Variants in CADM2 observed in about 807,000 individuals in gnomAD.
CADM2 encodes the protein immunoglobulin superfamily member 4D.
Under a neutral mutation model 49.8 loss-of-function variants are expected in CADM2, and 12 were observed. The ratio of observed to expected loss-of-function variants is 0.24; its 90% CI spans 0.15 to 0.39. The LOEUF is 0.39. Ranked by LOEUF, CADM2 falls within the 10% of genes least tolerant of loss-of-function variation. The probability of loss-of-function intolerance (pLI) is 1.00; values close to 1 mark genes in which losing one functional copy is unlikely to be tolerated. For missense variants in CADM2, 378 were observed against 492.3 expected, an observed-to-expected ratio of 0.77 and a Z score of 2.20; for synonymous variants, 214 against 175.4, an observed-to-expected ratio of 1.22 and a Z score of -1.74.
chr3:85,349,341 G>A (rs1024447954), intron 1 of CADM2, among the ~76,000 whole-genome samples: 1 of 152,176 alleles, frequency 6.6e-6, no homozygotes, highest in African/African-American at 2.4e-5. Context: ...TCGTGTGTTT[G>A]TATGTGAACC....
intron 1 of CADM2, among the ~76,000 whole-genome samples, chr3:85,150,087 T>G (rs1391286192): frequency 6.6e-6 from 1 of 152,216 alleles, no homozygotes; most frequent in Non-Finnish European, 1.5e-5. Flanking sequence ...TCTACCCTTT[T>G]GTCATAATCC....
intron 1 of CADM2, among the ~76,000 whole-genome samples, chr3:84,961,123 G>C (rs1291016986): frequency 6.6e-6 from 1 of 152,084 alleles, no homozygotes; most frequent in African/African-American, 2.4e-5. Flanking sequence ...CTGAAAGTAA[G>C]ACACACGTAG....
chr3:85,418,357 T>G (rs1391800939), intron 1 of CADM2, among the ~76,000 whole-genome samples: 1 of 152,118 alleles, frequency 6.6e-6, no homozygotes, highest in Non-Finnish European at 1.5e-5. Context: ...TGCAAGCTAT[T>G]AATAGGAGAA....
At chr3:85,593,329 G>A (rs1375566) in intron 1 of CADM2, among the ~76,000 whole-genome samples, 81,229 of 151,754 alleles carry the variant, frequency 0.54, 24,825 homozygotes, top group East Asian at 0.93. Flanking sequence ...AGGCACTAAC[G>A]TTAAAGAAAA....
chr3:85,988,666 A>C, intron 8 of CADM2, among the ~76,000 whole-genome samples: 1 of 152,178 alleles, frequency 6.6e-6, no homozygotes, highest in East Asian at 1.9e-4. Context: ...AACAGGTAAG[A>C]ACAGAAATTA....
intron 1 of CADM2, among the ~76,000 whole-genome samples, chr3:85,153,050 T>C (rs1416702608): frequency 6.6e-6 from 1 of 152,006 alleles, no homozygotes; most frequent in Admixed American, 6.5e-5. Flanking sequence ...AAAAATTACC[T>C]GCATTTGAAA....
chr3:85,417,467 C>T (rs973068787), intron 1 of CADM2, among the ~76,000 whole-genome samples: 3 of 152,076 alleles, frequency 2.0e-5, no homozygotes. Context: ...ATGTCACCAA[C>T]CTATGTTAAG....
intron 7 of CADM2, among the ~76,000 whole-genome samples, chr3:85,957,374 A>T (rs753404323): frequency 6.6e-6 from 1 of 151,764 alleles, no homozygotes; most frequent in African/African-American, 2.4e-5. Flanking sequence ...ACTTGTTATC[A>T]TATAATGCTC....
chr3:85,035,117 A>G (rs2035158436), intron 1 of CADM2, among the ~76,000 whole-genome samples: 1 of 152,120 alleles, frequency 6.6e-6, no homozygotes, highest in Admixed American at 6.5e-5. Context: ...AGCCATTTTA[A>G]CTAAGGTAAA....
chr3:85,270,955 T>C (rs2043228936), intron 1 of CADM2, among the ~76,000 whole-genome samples: 1 of 151,422 alleles, frequency 6.6e-6, no homozygotes, highest in African/African-American at 2.4e-5. Context: ...GTGTGATGCA[T>C]GGATTCAGGT....
chr3:85,372,794 G>A (rs1395908053), intron 1 of CADM2, among the ~76,000 whole-genome samples: 1 of 152,164 alleles, frequency 6.6e-6, no homozygotes, highest in African/African-American at 2.4e-5. Flanking sequence ...GCAAAGGCAT[G>A]TCTTACACGG....
intron 1 of CADM2, among the ~76,000 whole-genome samples, chr3:85,599,517 A>T (rs1309735083): frequency 6.6e-6 from 1 of 151,982 alleles, no homozygotes; most frequent in Non-Finnish European, 1.5e-5. Flanking sequence ...CCTCATTTAT[A>T]TGAATTAATA....
At chr3:85,346,746 C>G (rs1383924770) in intron 1 of CADM2, among the ~76,000 whole-genome samples, 1 of 152,100 alleles carries the variant, frequency 6.6e-6, no homozygotes, top group African/African-American at 2.4e-5. Context: ...ATTTGTTTTT[C>G]TAACCTTTGT....
chr3:85,411,730 C>T (rs987704510), intron 1 of CADM2, among the ~76,000 whole-genome samples: 1 of 152,168 alleles, frequency 6.6e-6, no homozygotes, highest in Non-Finnish European at 1.5e-5. Flanking sequence ...AACAAATTGA[C>T]CTTACGAAAG....
intron 2 of CADM2, among the ~76,000 whole-genome samples, chr3:85,746,385 T>C (rs1443624734): frequency 1.3e-5 from 2 of 152,180 alleles, no homozygotes; most frequent in African/African-American, 2.4e-5. Flanking sequence ...CACCTACTCA[T>C]TGAAAACAAA....
intron 1 of CADM2, among the ~76,000 whole-genome samples, chr3:85,165,703 A>G (rs2040453993): frequency 6.6e-6 from 1 of 151,858 alleles, no homozygotes; most frequent in African/African-American, 2.4e-5. Flanking sequence ...GTTGCAACTT[A>G]AAAACAAATG....
chr3:85,704,863 ATTAT>A (rs2066890308), intron 1 of CADM2, among the ~76,000 whole-genome samples: 4 of 148,232 alleles, frequency 2.7e-5, no homozygotes, highest in African/African-American at 9.9e-5. Context: ...TATTATTATT[ATTAT>A]TTTTTTTTTT....
At chr3:85,152,476 T>C (rs1156450214) in intron 1 of CADM2, among the ~76,000 whole-genome samples, 1 of 152,180 alleles carries the variant, frequency 6.6e-6, no homozygotes, top group Non-Finnish European at 1.5e-5. Context: ...AAACGCTTCA[T>C]CCCATTCCTC....
At chr3:85,474,776 G>T (rs1317399959) in intron 1 of CADM2, among the ~76,000 whole-genome samples, 1 of 151,758 alleles carries the variant, frequency 6.6e-6, no homozygotes, top group East Asian at 1.9e-4. Flanking sequence ...TTAACATGGT[G>T]CTGACACATT....
Sources: allele counts gnomAD v4.1 joint callset (sites outside exome capture counted in the v4.1 genomes callset), GRCh38; gene constraint gnomAD v4.1.1; transcripts MANE v1.5; gene names NCBI Gene and HGNC (gene_info 2026-07-23, HGNC 2026-07-21).